TPST1: variants seen among roughly 807,000 people sequenced by gnomAD.
The protein encoded by TPST1 is protein-tyrosine sulfotransferase 1.
TPST1 carries 20 observed loss-of-function variants against 34.8 expected under a neutral mutation model. That is an observed-to-expected ratio of 0.57 (90% CI 0.40 to 0.84). TPST1 has a LOEUF of 0.84. Ranked by LOEUF, TPST1 falls within the 40% of genes least tolerant of loss-of-function variation. TPST1 has a pLI of 0.00. For missense variants in TPST1, 353 were observed against 455.5 expected (o/e 0.78, Z 2.05); for synonymous variants, 152 against 159.4 (o/e 0.95, Z 0.35).
intron 4 of TPST1, among the ~76,000 whole-genome samples, chr7:66,354,220 C>A (rs1015724981): frequency 6.6e-6 from 1 of 152,080 alleles, no homozygotes; most frequent in South Asian, 2.1e-4. Context: ...GCATGATGTC[C>A]CAGAAACCTG....
intron 1 of TPST1, among the ~76,000 whole-genome samples, chr7:66,228,525 A>G (rs1789711173): frequency 6.6e-6 from 1 of 152,198 alleles, no homozygotes; most frequent in Non-Finnish European, 1.5e-5. Context: ...AATAAATGGA[A>G]TATACTAGAA....
intron 1 of TPST1, among the ~76,000 whole-genome samples, chr7:66,237,425 C>T (rs1280171430): frequency 6.6e-6 from 1 of 152,184 alleles, no homozygotes. Flanking sequence ...TTTCACCCAG[C>T]TTTATCATTG....
chr7:66,359,221 G>A (rs1246378311), intron 5 of TPST1: 2 of 147,854 alleles, frequency 1.4e-5, no homozygotes, highest in African/African-American at 5.1e-5. Flanking sequence ...TTCACATGAG[G>A]AGGAATCAGG....
intron 2 of TPST1, among the ~76,000 whole-genome samples, chr7:66,268,963 C>T (rs1434903544): frequency 2.6e-5 from 4 of 152,034 alleles, no homozygotes; most frequent in African/African-American, 7.2e-5. Context: ...GGTTACAGGG[C>T]GTGAGCCACC....
At position 66,359,975 on chromosome 7, in the gene TPST1, T is replaced by C. The variant is rs1261403195; in HGVS notation, c.*110T>C. 3 of 456,692 alleles carry C rather than the reference T, an allele frequency of 6.6e-6. No individual in the cohort carries two copies. Among genetic ancestry groups the C allele is most frequent in the Admixed American group, 4.7e-5 (2 of 42,582 alleles). The allele number at this position is 456,692 out of a possible 1,614,324, so 28.3% of individuals were successfully genotyped here. On this transcript the variant is annotated 3_prime_UTR_variant, in exon 6 of 6. Coordinates refer to ENST00000304842, the MANE Select transcript of TPST1 (RefSeq NM_003596.4). ...CCAAGCTTGGTGGAGCGTCTGCACC[T>C]TGGCTGCGCCGCCTGTGCATTTGCC...
intron 3 of TPST1, among the ~76,000 whole-genome samples, chr7:66,303,644 A>C (rs1791363265): frequency 6.6e-6 from 1 of 152,126 alleles, no homozygotes; most frequent in African/African-American, 2.4e-5. Flanking sequence ...TGCTGACCTC[A>C]GGCGATCTGC....
intron 1 of TPST1, among the ~76,000 whole-genome samples, chr7:66,214,363 T>A (rs948558946): frequency 2.0e-5 from 3 of 151,190 alleles, no homozygotes; most frequent in Non-Finnish European, 4.4e-5. Flanking sequence ...TATTAACTAT[T>A]AATATTTACT....
intron 1 of TPST1, among the ~76,000 whole-genome samples, chr7:66,208,560 C>T (rs1021288960): frequency 6.6e-6 from 1 of 152,126 alleles, no homozygotes; most frequent in African/African-American, 2.4e-5. Flanking sequence ...CCTCTGCCTC[C>T]AGGGTTTGAG....
intron 3 of TPST1, among the ~76,000 whole-genome samples, chr7:66,305,789 A>C (rs1056715178): frequency 6.6e-6 from 1 of 152,232 alleles, no homozygotes; most frequent in Non-Finnish European, 1.5e-5. Flanking sequence ...TATTTAGTGA[A>C]TATAGGGCTA....
At chr7:66,352,774 G>A in intron 4 of TPST1, 1 of 985,420 alleles carries the variant, frequency 1.0e-6, no homozygotes, top group Non-Finnish European at 1.2e-6. Flanking sequence ...AGAGCTCAGT[G>A]TCTCCCAAAA....
chr7:66,225,479 G>T (rs1318169760), intron 1 of TPST1, among the ~76,000 whole-genome samples: 1 of 152,008 alleles, frequency 6.6e-6, no homozygotes, highest in East Asian at 2.0e-4. Flanking sequence ...GGGCGTGGCG[G>T]CACATGCCTG....
intron 2 of TPST1, among the ~76,000 whole-genome samples, chr7:66,275,986 TA>T (rs564067314): frequency 1.0e-3 from 159 of 151,790 alleles, no homozygotes; most frequent in African/African-American, 3.5e-3. Flanking sequence ...TTCATCAGTT[TA>T]AAAAACTTAA....
intron 3 of TPST1, among the ~76,000 whole-genome samples, chr7:66,313,295 A>C (rs546069365): frequency 6.6e-6 from 1 of 152,124 alleles, no homozygotes; most frequent in African/African-American, 2.4e-5. Flanking sequence ...TGTGCCTATA[A>C]TCCCAGCTAC....
chr7:66,272,934 G>A (rs760393559), intron 2 of TPST1, among the ~76,000 whole-genome samples: 2 of 152,090 alleles, frequency 1.3e-5, no homozygotes, highest in Admixed American at 6.6e-5. Flanking sequence ...CCTAGCCAGA[G>A]CAATTAAGCA....
At chr7:66,247,039 G>A (rs1790163937) in intron 2 of TPST1, among the ~76,000 whole-genome samples, 1 of 152,194 alleles carries the variant, frequency 6.6e-6, no homozygotes, top group Admixed American at 6.5e-5. Flanking sequence ...TTGCCTTAAA[G>A]GAACATATGA....
At chr7:66,248,836 A>AT in intron 2 of TPST1, among the ~76,000 whole-genome samples, 1 of 152,230 alleles carries the variant, frequency 6.6e-6, no homozygotes, top group East Asian at 1.9e-4. Context: ...TTTAATAGGC[A>AT]TTTTAGGGTA....
At chr7:66,262,237 G>A (rs1377801194) in intron 2 of TPST1, among the ~76,000 whole-genome samples, 1 of 152,218 alleles carries the variant, frequency 6.6e-6, no homozygotes, top group Non-Finnish European at 1.5e-5. Flanking sequence ...GACCTGGGCA[G>A]TAAGACAAAT....
chr7:66,237,256 C>A (rs1399356350), intron 1 of TPST1, among the ~76,000 whole-genome samples: 1 of 152,204 alleles, frequency 6.6e-6, no homozygotes, highest in Non-Finnish European at 1.5e-5. Context: ...CCTTGCAGAA[C>A]CTCTGTACCT....
intron 3 of TPST1, among the ~76,000 whole-genome samples, chr7:66,341,948 AT>A: frequency 6.6e-6 from 1 of 152,306 alleles, no homozygotes; most frequent in East Asian, 1.9e-4. Context: ...AGTTGAGAAA[AT>A]ATCTTAGTAA....
Sources: gnomAD v4.1 joint callset for allele counts (sites outside exome capture counted in the v4.1 genomes callset) on GRCh38, gnomAD v4.1.1 for gene constraint, MANE v1.5 for transcripts, NCBI Gene and HGNC (gene_info 2026-07-23, HGNC 2026-07-21) for gene names.